The following HSP90AA1 variants were observed in gnomAD, a reference collection of about 807,000 sequenced individuals.
HSP90AA1 encodes the protein heat shock protein HSP 90-alpha.
HSP90AA1 carries 18 observed loss-of-function variants against 73.3 expected under a neutral mutation model. That is an observed-to-expected ratio of 0.25 (90% confidence interval 0.17 to 0.36). The LOEUF (loss-of-function observed/expected upper bound fraction) is 0.36. HSP90AA1 is among the 10% of genes least tolerant of loss of function. The pLI, the probability that HSP90AA1 is intolerant of heterozygous loss-of-function variation, is 1.00. For synonymous variants in HSP90AA1, 477 were observed against 296.9 expected (o/e 1.61, Z -6.24); for missense variants, 704 against 874.2 (o/e 0.81, Z 2.45).
chr14:102,087,017 A>G lies in HSP90AA1; in HGVS notation c.-32T>C. ...TAAGTGACCGCACAGGACCAACGGC[A>G]CAGCCACACCGGGACGCTGAAGCAA... On this transcript the variant is annotated 5_prime_UTR_variant, in exon 1 of 11. Transcript: ENST00000216281. 1 of 985,004 alleles carries G rather than the reference A, an allele frequency of 1.0e-6. No homozygotes were observed. Among genetic ancestry groups the G allele is most frequent in the Non-Finnish European group, 1.2e-6 (1 of 830,042 alleles). The allele number at this position is 985,004 out of a possible 1,614,324, so 61.0% of individuals were successfully genotyped here.
In HSP90AA1 at chr14:102,087,010, C is replaced by A. The variant is rs1012986372; in HGVS notation, c.-25G>T. The A allele has an allele frequency of 6.7e-5, 66 of 985,450 alleles. No homozygotes were observed. Among genetic ancestry groups the A allele is most frequent in the Non-Finnish European group, 7.5e-5 (62 of 830,172 alleles). The allele number at this position is 985,450 out of a possible 1,614,324, so 61.0% of individuals were successfully genotyped here. ...CCTTGGCTAAGTGACCGCACAGGACCAACGGCACAGCCACACCGGGACGCT... is the reference window on the plus strand; with the variant it reads ...CCTTGGCTAAGTGACCGCACAGGACAAACGGCACAGCCACACCGGGACGCT... On this transcript the variant is annotated 5_prime_UTR_variant, in exon 1 of 11. Coordinates refer to ENST00000216281, the MANE Select transcript of HSP90AA1 (RefSeq NM_005348.4).
rs1483361797 is a variant in HSP90AA1, at chr14:102,085,813, C to T, written c.474G>A (p.Glu158=). 4.3e-6 allele frequency: 7 copies of T among 1,613,820 alleles called. No homozygotes were observed. Among genetic ancestry groups the T allele is most frequent in the African/African-American group, 2.7e-5 (2 of 74,900 alleles). The stretch of plus-strand genomic sequence containing the variant: ...CTGCTGAGGACTCCCAAGCGTACTG[C>T]TCATCATCGTTATGTTTGGTGATCA... ...VTVITKHNDD[E]QYAWESSAGG... The change falls in exon 3 of 11, where the codon GAG becomes GAA. Residue 158 remains glutamate (E), a synonymous_variant. Coordinates refer to ENST00000216281, the MANE Select transcript of HSP90AA1 (RefSeq NM_005348.4).
upstream of HSP90AA1, among the ~76,000 whole-genome samples, chr14:102,090,604 C>T (rs1044434881): frequency 9.2e-5 from 14 of 152,096 alleles, no homozygotes; most frequent in Admixed American, 4.6e-4. Context: ...CGCCCGCCAC[C>T]ACACCTGGCT....
Position 102,084,959 on chromosome 14 carries a change from C to G in HSP90AA1, c.703G>C (p.Ala235Pro). Residue 235 changes from alanine to proline, a missense_variant, in exon 5 of 11, where the codon GCT becomes CCT. Physicochemically the swap from Ala to Pro is conservative, Grantham distance 27. Transcript: ENST00000216281. The stretch of plus-strand genomic sequence containing the variant: ...TCTTCTTTGTCTTCCTTTTCTTCAG[C>G]CTCATCATCGCTTACTTCTTTATCA... Reference protein sequence around the residue: ...ERDKEVSDDEAEEKEDKEEEK... With the variant: ...ERDKEVSDDEPEEKEDKEEEK... 1 of 1,607,966 alleles carries G rather than the reference C, an allele frequency of 6.2e-7. No individual in the cohort carries two copies. The highest frequency in any genetic ancestry group is 8.5e-7 in the Non-Finnish European group (1 of 1,174,560).
At chr14:102,117,279 G>A (rs2049719445) in intron 1 of HSP90AA1, among the ~76,000 whole-genome samples, 1 of 152,014 alleles carries the variant, frequency 6.6e-6, no homozygotes, top group Non-Finnish European at 1.5e-5. Context: ...ACCACCTTCA[G>A]GCCAGGGAGG....
At position 102,085,396 on chromosome 14, in the gene HSP90AA1, G is replaced by A. The variant is rs900619616; in HGVS notation, c.565C>T (p.His189Tyr). The change falls in exon 4 of 11, where the codon CAC becomes TAC. Residue 189 changes from histidine (H) to tyrosine (Y), a missense_variant. Transcript: ENST00000216281. ...PMGRGTKVIL[H>Y]LKEDQTEYLE... ...TACTCAGTTTGGTCTTCTTTCAGGTGTAGGATAACTTTTGTTCCACGACCC... is the reference window on the plus strand; with the variant it reads ...TACTCAGTTTGGTCTTCTTTCAGGTATAGGATAACTTTTGTTCCACGACCC... 9 of 1,613,494 alleles carry A rather than the reference G, an allele frequency of 5.6e-6. No individual in the cohort carries two copies. In the East Asian group the frequency reaches 6.7e-5, roughly 12 times the overall value.
intron 2 of HSP90AA1, among the ~76,000 whole-genome samples, chr14:102,092,166 TC>T (rs1451787259): frequency 6.6e-6 from 1 of 151,990 alleles, no homozygotes; most frequent in Non-Finnish European, 1.5e-5. Context: ...CCTCCTGGGT[TC>T]AAGCAATTCT....
chr14:102,087,535 C>G (rs909721687), upstream of HSP90AA1, among the ~76,000 whole-genome samples: 1 of 151,956 alleles, frequency 6.6e-6, no homozygotes, highest in South Asian at 2.1e-4. Flanking sequence ...CCGGGTCTCA[C>G]GCGCCCGGGA....
In HSP90AA1 at chr14:102,081,493, T is replaced by C; in HGVS notation, c.*219A>G. On this transcript the variant is annotated 3_prime_UTR_variant, in exon 11 of 11. Transcript: ENST00000216281. ...TGCACGTTACCCCAATCTGTGAAAA[T>C]AAACCAACATGAAACTCAAAAAGCA... 1.7e-6 allele frequency: 1 copy of C among 592,886 alleles called. No individual in the cohort carries two copies. Among genetic ancestry groups the C allele is most frequent in the Non-Finnish European group, 3.0e-6 (1 of 333,912 alleles). The allele number at this position is 592,886 out of a possible 1,614,324, so 36.7% of individuals were successfully genotyped here.
intron 1 of HSP90AA1, chr14:102,139,227 G>GT (rs757923748): frequency 6.2e-7 from 1 of 1,613,790 alleles, no homozygotes; most frequent in Non-Finnish European, 8.5e-7. Context: ...ATAGTGAAGC[G>GT]TAAATCTTGA....
intron 1 of HSP90AA1, among the ~76,000 whole-genome samples, chr14:102,124,042 C>T (rs184308857): frequency 6.6e-6 from 1 of 152,212 alleles, no homozygotes; most frequent in East Asian, 1.9e-4. Context: ...CTCTGCCTCC[C>T]AAAATGCTGG....
At chr14:102,093,315 C>T (rs1029899663) in intron 2 of HSP90AA1, among the ~76,000 whole-genome samples, 3 of 151,106 alleles carry the variant, frequency 2.0e-5, no homozygotes, top group Non-Finnish European at 4.4e-5. Context: ...TTGAGACCAT[C>T]CTGGCCAACA....
chr14:102,129,929 G>A lies in HSP90AA1; in HGVS notation c.155+9321C>T, dbSNP rs749634428. Among the ~76,000 whole-genome samples, 31 of 152,170 alleles carry A rather than the reference G, an allele frequency of 2.0e-4. 1 individual carries two copies. The highest frequency in any genetic ancestry group is 6.2e-4 in the South Asian group (3 of 4,826). ...CTTTTTGGCTATTTTGAATAATGCC[G>A]CTGTGAACATTCACGTATAAGTTTT... On this transcript the variant is annotated intron_variant, in intron 1 of 11. Transcript: ENST00000334701.
Position 102,081,286 on chromosome 14 carries a change from G to C in HSP90AA1, c.*426C>G. 1 of 289,898 alleles carries C rather than the reference G, an allele frequency of 3.4e-6. No homozygotes were observed. 18.0% of individuals were successfully genotyped at this position (289,898 alleles called of 1,614,324 possible). A position where few individuals can be genotyped will look rare whatever the true frequency, so the allele number is the denominator to read the frequency against. On this transcript the variant is annotated 3_prime_UTR_variant, in exon 11 of 11. Coordinates refer to ENST00000216281, the MANE Select transcript of HSP90AA1 (RefSeq NM_005348.4). ...CTAGAGGACTAGTACATGCAGAATT[G>C]TCAACTACAGGGAATGAAAAGTTCA...
intron 1 of HSP90AA1, among the ~76,000 whole-genome samples, chr14:102,126,189 C>T (rs1378972520): frequency 6.6e-6 from 1 of 152,062 alleles, no homozygotes; most frequent in Admixed American, 6.6e-5. Context: ...GGATGAGCGG[C>T]CTTCTATTCC....
chr14:102,099,794 C>A (rs540652870), intron 2 of HSP90AA1, among the ~76,000 whole-genome samples: 1 of 152,182 alleles, frequency 6.6e-6, no homozygotes, highest in Non-Finnish European at 1.5e-5. Context: ...TACTGCCCAG[C>A]GGCGGGTTTC....
chr14:102,098,030 C>T (rs2049446160), intron 2 of HSP90AA1, among the ~76,000 whole-genome samples: 1 of 152,156 alleles, frequency 6.6e-6, no homozygotes, highest in East Asian at 1.9e-4. Context: ...GGAGACAGGT[C>T]AACATTATCC....
intron 1 of HSP90AA1, among the ~76,000 whole-genome samples, chr14:102,135,547 C>T (rs1566739119): frequency 6.6e-6 from 1 of 152,262 alleles, no homozygotes; most frequent in Non-Finnish European, 1.5e-5. Context: ...TGGGACTGGG[C>T]GCCGTGGAGC....
chr14:102,125,981 G>A (rs951274883), intron 1 of HSP90AA1, among the ~76,000 whole-genome samples: 1 of 152,150 alleles, frequency 6.6e-6, no homozygotes, highest in African/African-American at 2.4e-5. Context: ...AAATATGTGT[G>A]TGTATGATGT....
Sources: allele counts gnomAD v4.1 joint callset (sites outside exome capture counted in the v4.1 genomes callset), GRCh38; gene constraint gnomAD v4.1.1; transcripts MANE v1.5; gene names NCBI Gene and HGNC (gene_info 2026-07-23, HGNC 2026-07-21).